VTI1A: variants seen among roughly 807,000 people sequenced by gnomAD.
The protein encoded by VTI1A is vesicle transport through interaction with t-SNAREs homolog 1A.
In VTI1A, 22 loss-of-function variants were observed where a neutral mutation model predicts 34.9. That is an observed-to-expected ratio of 0.63 (90% CI 0.45 to 0.90). The LOEUF (loss-of-function observed/expected upper bound fraction) is 0.90, where lower values mean the gene tolerates loss of function less well. Ranked by LOEUF, VTI1A falls within the 40% of genes least tolerant of loss-of-function variation. VTI1A has a pLI of 0.00. For synonymous variants in VTI1A, 87 were observed against 97.3 expected, an observed-to-expected ratio of 0.89 and a Z score of 0.62; for missense variants, 268 against 275.6, an observed-to-expected ratio of 0.97 and a Z score of 0.20.
At chr10:112,707,315 T>C (rs1849233239) in intron 7 of VTI1A, among the ~76,000 whole-genome samples, 1 of 152,002 alleles carries the variant, frequency 6.6e-6, no homozygotes, top group East Asian at 1.9e-4. Context: ...ACTACAGGCA[T>C]GTGCCACCAC....
intron 5 of VTI1A, among the ~76,000 whole-genome samples, chr10:112,645,987 G>A (rs891201561): frequency 1.3e-5 from 2 of 150,154 alleles, no homozygotes; most frequent in Admixed American, 1.3e-4. Context: ...TAGTGCCAGG[G>A]ATGGGGAGTG....
intron 5 of VTI1A, among the ~76,000 whole-genome samples, chr10:112,578,824 A>G (rs1402723774): frequency 6.6e-6 from 1 of 152,188 alleles, no homozygotes; most frequent in Admixed American, 6.5e-5. Flanking sequence ...GTATCTTTTT[A>G]CAATTTAACA....
At chr10:112,733,667 T>C (rs1850349073) in intron 7 of VTI1A, among the ~76,000 whole-genome samples, 1 of 152,154 alleles carries the variant, frequency 6.6e-6, no homozygotes, top group South Asian at 2.1e-4. Context: ...ATTGTCTAAT[T>C]GTTCTTTAAG....
intron 7 of VTI1A, among the ~76,000 whole-genome samples, chr10:112,804,627 C>G (rs1008092738): frequency 5.3e-5 from 8 of 152,128 alleles, no homozygotes; most frequent in Non-Finnish European, 1.0e-4. Flanking sequence ...AACACATTGT[C>G]CCGGCCCTGG....
At chr10:112,847,533 G>T in the VTI1A span, among the ~76,000 whole-genome samples, 1 of 152,136 alleles carries the variant, frequency 6.6e-6, no homozygotes, top group African/African-American at 2.4e-5. Context: ...AGCAAGGAGG[G>T]TTGCCCTCTG....
chr10:112,593,774 T>C (rs12264910), intron 5 of VTI1A, among the ~76,000 whole-genome samples: 13,897 of 152,182 alleles, frequency 0.091, 699 homozygotes, highest in Non-Finnish European at 0.11. Context: ...TCTTGCTCTG[T>C]CACTCAGGCT....
At chr10:112,752,171 C>G (rs781189681) in intron 7 of VTI1A, among the ~76,000 whole-genome samples, 1 of 152,138 alleles carries the variant, frequency 6.6e-6, no homozygotes, top group Non-Finnish European at 1.5e-5. Flanking sequence ...AGAAAAAACA[C>G]GAGAAGATGC....
chr10:112,838,494 TC>T, the VTI1A span, among the ~76,000 whole-genome samples: 12 of 150,730 alleles, frequency 8.0e-5, no homozygotes, highest in Admixed American at 6.6e-4. Context: ...TCAGATTTTT[TC>T]CCCCTAGACT....
chr10:112,725,784 A>C (rs964746387), intron 7 of VTI1A, among the ~76,000 whole-genome samples: 3 of 152,216 alleles, frequency 2.0e-5, no homozygotes, highest in Non-Finnish European at 4.4e-5. Context: ...AAAGTGATCA[A>C]TGATGCTTGC....
chr10:112,729,378 T>G (rs2133954584), intron 7 of VTI1A, among the ~76,000 whole-genome samples: 1 of 152,334 alleles, frequency 6.6e-6, no homozygotes, highest in East Asian at 1.9e-4. Context: ...TAAACAACTT[T>G]TTGCACTTCT....
At chr10:112,748,436 T>C (rs1329622403) in intron 7 of VTI1A, among the ~76,000 whole-genome samples, 2 of 152,152 alleles carry the variant, frequency 1.3e-5, no homozygotes, top group Non-Finnish European at 2.9e-5. Flanking sequence ...GTTGTCACAT[T>C]ACCTGAGCCA....
At chr10:112,517,828 A>G (rs759837619) in intron 3 of VTI1A, among the ~76,000 whole-genome samples, 11 of 152,136 alleles carry the variant, frequency 7.2e-5, no homozygotes, top group Non-Finnish European at 1.6e-4. Context: ...CTGAGAAACT[A>G]CTACAGCCTA....
At chr10:112,663,403 C>A (rs963363162) in intron 5 of VTI1A, among the ~76,000 whole-genome samples, 1 of 152,166 alleles carries the variant, frequency 6.6e-6, no homozygotes, top group Non-Finnish European at 1.5e-5. Context: ...CTTACTTCCT[C>A]CAGAAAAGTT....
At chr10:112,734,131 C>T (rs566292595) in intron 7 of VTI1A, among the ~76,000 whole-genome samples, 1 of 152,258 alleles carries the variant, frequency 6.6e-6, no homozygotes, top group Admixed American at 6.5e-5. Context: ...GCAGACCCAT[C>T]TGACCATGTC....
chr10:112,460,660 C>T, intron 2 of VTI1A, 78 bp downstream of exon 2: 20 of 1,163,418 alleles, frequency 1.7e-5, no homozygotes, highest in Non-Finnish European at 2.3e-5. Flanking sequence ...CTGTTTTATA[C>T]ATTGTGGAAA....
chr10:112,838,019 A>C, the VTI1A span, among the ~76,000 whole-genome samples: 1 of 152,190 alleles, frequency 6.6e-6, no homozygotes, highest in Non-Finnish European at 1.5e-5. Context: ...GGATGGGAAA[A>C]CTAAGGCCAG....
chr10:112,637,380 T>C (rs1020898922), intron 5 of VTI1A, among the ~76,000 whole-genome samples: 4 of 152,208 alleles, frequency 2.6e-5, no homozygotes, highest in African/African-American at 9.6e-5. Flanking sequence ...TTAGAACTGC[T>C]ATATAGGGCT....
At chr10:112,717,400 A>G (rs7100449) in intron 7 of VTI1A, among the ~76,000 whole-genome samples, 2,735 of 152,198 alleles carry the variant, frequency 0.018, 88 homozygotes, top group African/African-American at 0.063. Context: ...GGGTTAGGAA[A>G]ATCAGGGGTT....
At chr10:112,578,794 A>G in intron 5 of VTI1A, among the ~76,000 whole-genome samples, 1 of 152,204 alleles carries the variant, frequency 6.6e-6, no homozygotes, top group East Asian at 1.9e-4. Flanking sequence ...TAATTACCAT[A>G]TTGCATGATT....
Sources: gnomAD v4.1 joint callset for allele counts (sites outside exome capture counted in the v4.1 genomes callset) on GRCh38, gnomAD v4.1.1 for gene constraint, MANE v1.5 for transcripts, NCBI Gene and HGNC (gene_info 2026-07-23, HGNC 2026-07-21) for gene names.